AKAP13: variants seen among roughly 807,000 people sequenced by gnomAD.
AKAP13 encodes A-kinase anchor protein 13.
In AKAP13, 80 loss-of-function variants were observed where a neutral mutation model predicts 264.5. The observed-to-expected ratio is 0.30, with a 90% CI of 0.25 to 0.36. The LOEUF (loss-of-function observed/expected upper bound fraction) is 0.36. Among genes scored for constraint, AKAP13 ranks in the 10% least tolerant of loss-of-function variants. The pLI, the probability that AKAP13 is intolerant of heterozygous loss-of-function variation, is 1.00. For missense variants in AKAP13, 3,712 were observed against 3,435.2 expected, an observed-to-expected ratio of 1.08 and a Z score of -2.01; for synonymous variants, 1,380 against 1,250.2, an observed-to-expected ratio of 1.10 and a Z score of -2.19.
At chr15:85,500,105 G>C (rs77020057) in intron 2 of AKAP13, among the ~76,000 whole-genome samples, 2,385 of 152,270 alleles carry the variant, frequency 0.016, 73 homozygotes, top group African/African-American at 0.055. Context: ...CCAAAGGGAA[G>C]GTTACTGTAG....
chr15:85,696,509 C>T (rs1359527323), intron 17 of AKAP13, among the ~76,000 whole-genome samples: 2 of 152,172 alleles, frequency 1.3e-5, no homozygotes, highest in African/African-American at 4.8e-5. Context: ...GTAAAATCTT[C>T]CTCCTGTGTT....
rs1338279331 is a variant in AKAP13 at position 85,727,346 on chromosome 15, G to T, written c.7005-35G>T. On this transcript the variant is annotated intron_variant, in intron 28 of 36. Transcript: ENST00000394518. The surrounding 1 kb of genome is among the most constrained non-coding windows in gnomAD (Gnocchi z 5.3). ...GTGACCAGAGTAATTGACATCTTAG[G>T]AATTTTTTGTTCTGTCTTGTTTGGG... 1 of 1,613,968 alleles carries T rather than the reference G, an allele frequency of 6.2e-7. No individual in the cohort carries two copies. The highest frequency in any genetic ancestry group is 1.7e-5 in the Admixed American group (1 of 60,012).
intron 16 of AKAP13, among the ~76,000 whole-genome samples, chr15:85,692,715 G>A (rs1039284870): frequency 2.6e-5 from 4 of 152,152 alleles, no homozygotes; most frequent in African/African-American, 7.2e-5. Flanking sequence ...TATATGTGGG[G>A]CATATTTAAT....
chr15:85,459,462 G>A (rs2150996002), intron 1 of AKAP13, among the ~76,000 whole-genome samples: 1 of 149,270 alleles, frequency 6.7e-6, no homozygotes, highest in South Asian at 2.1e-4. Flanking sequence ...GCCTCCCAAA[G>A]TGATAGGATT....
rs374559192 is a variant in AKAP13 at position 85,477,958 on chromosome 15, G to C, written c.-11-7752G>C. ...CTCACTGTGCTGTCATATCTGGCGC[G>C]TGCTGTTCCTTCTATCCTGTGCTTC... On this transcript the variant is annotated intron_variant, in intron 1 of 36. Coordinates refer to ENST00000394518, the MANE Select transcript of AKAP13 (RefSeq NM_007200.5). Among the ~76,000 whole-genome samples the C allele has an allele frequency of 3.3e-5, 5 of 152,250 alleles. No individual in the cohort carries two copies. In the South Asian group the frequency reaches 6.2e-4, roughly 19 times the overall value.
intron 27 of AKAP13, 141 bp from the exon 28 acceptor site, chr15:85,726,925 T>G: frequency 1.2e-6 from 1 of 844,140 alleles, no homozygotes. Context: ...AAGGAGATAC[T>G]TCTCTTTATC....
At chr15:85,526,401 C>T (rs1450942008) in intron 3 of AKAP13, among the ~76,000 whole-genome samples, 1 of 151,980 alleles carries the variant, frequency 6.6e-6, no homozygotes, top group Non-Finnish European at 1.5e-5. Context: ...CACTCACCAT[C>T]GTAAGTGGCA....
chr15:85,488,638 G>T (rs999084380), intron 2 of AKAP13, among the ~76,000 whole-genome samples: 3 of 152,176 alleles, frequency 2.0e-5, no homozygotes, highest in Non-Finnish European at 4.4e-5. Flanking sequence ...TGAGTGAGAG[G>T]GAGTATCAGG....
At chr15:85,529,747 A>G (rs2077190000) in intron 3 of AKAP13, among the ~76,000 whole-genome samples, 1 of 152,190 alleles carries the variant, frequency 6.6e-6, no homozygotes, top group African/African-American at 2.4e-5. Flanking sequence ...AGGGTGAGGT[A>G]CTTTATTCTT....
intron 2 of AKAP13, among the ~76,000 whole-genome samples, chr15:85,502,755 G>A (rs1212007888): frequency 1.3e-5 from 2 of 152,140 alleles, no homozygotes; most frequent in African/African-American, 4.8e-5. Context: ...AGCTTAACCA[G>A]CTTTACAAAA....
intron 4 of AKAP13, 72 bp from the exon 5 acceptor site, chr15:85,543,700 T>A: frequency 6.8e-7 from 1 of 1,465,818 alleles, no homozygotes; most frequent in Non-Finnish European, 9.2e-7. Flanking sequence ...TTTACATAAC[T>A]TGTCTTTATG....
chr15:85,653,610 T>C (rs973200918), intron 10 of AKAP13, among the ~76,000 whole-genome samples: 8 of 152,214 alleles, frequency 5.3e-5, no homozygotes, highest in Non-Finnish European at 7.3e-5. Context: ...TATAGAGATA[T>C]AGAGCTTGTT....
chr15:85,542,328 G>A (rs2077602501), intron 4 of AKAP13, among the ~76,000 whole-genome samples: 1 of 152,126 alleles, frequency 6.6e-6, no homozygotes, highest in Non-Finnish European at 1.5e-5. Flanking sequence ...AGTTCTGTAG[G>A]GAAAATATAC....
chr15:85,594,634 G>T (rs1057406389), intron 8 of AKAP13, among the ~76,000 whole-genome samples: 3 of 152,150 alleles, frequency 2.0e-5, no homozygotes, highest in Admixed American at 1.3e-4. Flanking sequence ...TAAGTTCTGT[G>T]TTGCTTACTG....
At chr15:85,616,781 C>A (rs901671437) in intron 8 of AKAP13, among the ~76,000 whole-genome samples, 1 of 152,178 alleles carries the variant, frequency 6.6e-6, no homozygotes, top group African/African-American at 2.4e-5. Context: ...ATTGTCACAT[C>A]AACTGCAAAA....
chr15:85,439,534 G>A (rs1339333145), intron 1 of AKAP13, among the ~76,000 whole-genome samples: 11 of 149,764 alleles, frequency 7.3e-5, no homozygotes, highest in South Asian at 2.1e-4. Context: ...TGTTTATTGC[G>A]GCATTATTCA....
chr15:85,455,271 A>G (rs1467679833), intron 1 of AKAP13, among the ~76,000 whole-genome samples: 1 of 152,192 alleles, frequency 6.6e-6, no homozygotes, highest in Non-Finnish European at 1.5e-5. Flanking sequence ...AATTAGGCAG[A>G]GTGGGAGTGG....
At chr15:85,597,009 T>A (rs1190808474) in intron 8 of AKAP13, among the ~76,000 whole-genome samples, 2 of 152,188 alleles carry the variant, frequency 1.3e-5, no homozygotes, top group Non-Finnish European at 2.9e-5. Flanking sequence ...TGAAGAAAGA[T>A]AGATTAGTAG....
At chr15:85,559,449 G>T (rs1013360592) in intron 5 of AKAP13, among the ~76,000 whole-genome samples, 2 of 151,968 alleles carry the variant, frequency 1.3e-5, no homozygotes, top group Non-Finnish European at 2.9e-5. Flanking sequence ...TGATTCAAGC[G>T]CATTACATTT....
Sources: gnomAD v4.1 joint callset for allele counts (sites outside exome capture counted in the v4.1 genomes callset) on GRCh38, gnomAD v4.1.1 for gene constraint, Gnocchi (gnomAD v3.1) non-coding constraint, MANE v1.5 for transcripts, NCBI Gene and HGNC (gene_info 2026-07-23, HGNC 2026-07-21) for gene names.